The following TAFA2 variants were observed in gnomAD, a reference collection of about 807,000 sequenced individuals.
TAFA2 encodes the protein chemokine-like protein TAFA-2.
Under a neutral mutation model 18.8 loss-of-function variants are expected in TAFA2, and 7 were observed. The ratio of observed to expected loss-of-function variants is 0.37; its 90% CI spans 0.21 to 0.70. The LOEUF (loss-of-function observed/expected upper bound fraction) is 0.70, where lower values mean the gene tolerates loss of function less well. Ranked by LOEUF, TAFA2 falls within the 30% of genes least tolerant of loss-of-function variation. The pLI is 0.53. For missense variants in TAFA2, 122 were observed against 158.1 expected (o/e 0.77, Z 1.23); for synonymous variants, 60 against 54.2 (o/e 1.11, Z -0.47).
At chr12:62,101,903 T>A (rs960589940) in intron 1 of TAFA2, among the ~76,000 whole-genome samples, 12 of 151,866 alleles carry the variant, frequency 7.9e-5, no homozygotes, top group African/African-American at 2.9e-4. Flanking sequence ...AATAGATAAA[T>A]CCTAAAACAC....
chr12:61,923,830 T>G (rs1877162350), intron 1 of TAFA2, among the ~76,000 whole-genome samples: 1 of 151,908 alleles, frequency 6.6e-6, no homozygotes, highest in East Asian at 1.9e-4. Flanking sequence ...GCAAGGAAGC[T>G]AAGAACCTTG....
At chr12:62,119,511 G>A (rs1039571029) in intron 1 of TAFA2, among the ~76,000 whole-genome samples, 1 of 152,096 alleles carries the variant, frequency 6.6e-6, no homozygotes, top group Non-Finnish European at 1.5e-5. Flanking sequence ...TATGGGAAAG[G>A]CAAGCATAAT....
chr12:62,099,959 A>T (rs192788338), intron 1 of TAFA2, among the ~76,000 whole-genome samples: 39 of 152,274 alleles, frequency 2.6e-4, no homozygotes, highest in Non-Finnish European at 3.1e-4. Context: ...CAAATTATAG[A>T]TGTAAATATT....
At chr12:62,067,222 T>C (rs1882513211) in intron 1 of TAFA2, among the ~76,000 whole-genome samples, 1 of 152,106 alleles carries the variant, frequency 6.6e-6, no homozygotes, top group Non-Finnish European at 1.5e-5. Context: ...TAATCCCTTG[T>C]CAGAGGGGTA....
intron 1 of TAFA2, among the ~76,000 whole-genome samples, chr12:61,907,022 G>C (rs547500539): frequency 1.7e-3 from 265 of 152,240 alleles, no homozygotes; most frequent in Non-Finnish European, 3.3e-3. Flanking sequence ...TTTGGAATTG[G>C]CACTTAGGTT....
chr12:61,927,680 CAA>C (rs759451823), intron 1 of TAFA2, among the ~76,000 whole-genome samples: 9 of 152,088 alleles, frequency 5.9e-5, no homozygotes, highest in Non-Finnish European at 1.2e-4. Flanking sequence ...CATATGGAAT[CAA>C]AAAAGAGTCC....
rs180760419 is a variant in TAFA2 at position 62,203,464 on chromosome 12, G to C, written c.-130+55299C>G. On this transcript the variant is annotated intron_variant, in intron 1 of 5. Transcript: ENST00000551619. ...TTAAAGTCTCCCACTATTATTGTGT[G>C]GGCATCTAAGTCTCTATGTAGGTCT... Among the ~76,000 whole-genome samples the C allele has an allele frequency of 1.0e-3, 153 of 152,258 alleles. 1 individual carries two copies. Among genetic ancestry groups the C allele is most frequent in the Non-Finnish European group, 1.8e-3 (121 of 68,020 alleles).
Position 61,990,403 on chromosome 12 carries a change from T to A in TAFA2, c.-1-122977A>T, listed in dbSNP as rs534490501. Reference sequence around the variant, plus strand: ...TGCCCAGGCTGGAGTGCAGTGGCGCTATCTCGGCTCACTGCAAGCTCTGCC... The same window carrying A: ...TGCCCAGGCTGGAGTGCAGTGGCGCAATCTCGGCTCACTGCAAGCTCTGCC... On this transcript the variant is annotated intron_variant, in intron 1 of 4. Transcript: ENST00000416284. Among the ~76,000 whole-genome samples, 7 of 140,654 alleles carry A rather than the reference T, an allele frequency of 5.0e-5. No homozygotes were observed. The East Asian group carries it at 1.6e-3, about 31-fold the overall frequency. 92.3% of individuals were successfully genotyped at this position (140,654 alleles called of 152,430 possible). A position where few individuals can be genotyped will look rare whatever the true frequency, so the allele number is the denominator to read the frequency against.
chr12:62,198,141 C>T (rs747815059), intron 1 of TAFA2: 22 of 152,076 alleles, frequency 1.4e-4, no homozygotes, highest in Non-Finnish European at 2.4e-4. Flanking sequence ...TACCTCAAAT[C>T]CCCACAACAT....
Position 62,191,424 on chromosome 12 carries a change from GGCGTGTGAGTGTGGCCCTGA to G in TAFA2, c.-187_-168del, listed in dbSNP as rs2062623845. 1 of 152,562 alleles carries G rather than the reference GGCGTGTGAGTGTGGCCCTGA, an allele frequency of 6.6e-6. No individual in the cohort carries two copies. Among genetic ancestry groups the G allele is most frequent in the African/African-American group, 2.4e-5 (1 of 41,438 alleles). The allele number at this position is 152,562 out of a possible 1,614,324, so 9.5% of individuals were successfully genotyped here. ...CTGGTGCTGTGTGATCGTGGAGGGC[GGCGTGTGAGTGTGGCCCTGA>G]GCGTGCGAGTGTGCGCGCGCGTGTG... is the stretch of plus-strand genomic sequence containing the variant. On this transcript the variant is annotated 5_prime_UTR_variant, in exon 1 of 5. Transcript: ENST00000416284.
intron 1 of TAFA2, among the ~76,000 whole-genome samples, chr12:61,939,247 G>C (rs971211931): frequency 2.6e-5 from 4 of 152,074 alleles, no homozygotes; most frequent in African/African-American, 9.7e-5. Flanking sequence ...ATTTGTGTGT[G>C]GCTAGATGTT....
chr12:61,880,444 C>T (rs1875074126), intron 1 of TAFA2: 3 of 538,988 alleles, frequency 5.6e-6, no homozygotes, highest in South Asian at 1.4e-5. Flanking sequence ...TGCGTGTATA[C>T]CAGGAGCTGA....
At chr12:62,152,658 G>C (rs2062336940) in intron 1 of TAFA2, among the ~76,000 whole-genome samples, 1 of 152,128 alleles carries the variant, frequency 6.6e-6, no homozygotes, top group Non-Finnish European at 1.5e-5. Context: ...GCTCTGATGG[G>C]GGCAGTGAAT....
At chr12:61,909,926 G>A (rs1181788229) in intron 1 of TAFA2, among the ~76,000 whole-genome samples, 2 of 152,122 alleles carry the variant, frequency 1.3e-5, no homozygotes, top group Admixed American at 6.6e-5. Context: ...TACAGATGGG[G>A]CATACATTTA....
At chr12:62,214,211 T>C (rs999477789) in intron 1 of TAFA2, among the ~76,000 whole-genome samples, 25 of 152,208 alleles carry the variant, frequency 1.6e-4, no homozygotes, top group African/African-American at 6.0e-4. Context: ...TTTGGCTGTA[T>C]GCCCACCCAA....
chr12:61,956,631 T>TTTGTTA (rs1555178885), intron 1 of TAFA2, among the ~76,000 whole-genome samples: 1 of 142,774 alleles, frequency 7.0e-6, no homozygotes, highest in Non-Finnish European at 1.5e-5. Context: ...TTTGTTTTGT[T>TTTGTTA]AAAAAAAAAA....
intron 1 of TAFA2, among the ~76,000 whole-genome samples, chr12:61,966,327 C>A (rs1417825296): frequency 1.3e-5 from 2 of 151,968 alleles, no homozygotes; most frequent in East Asian, 3.9e-4. Flanking sequence ...AGATGGCACC[C>A]TGCTGCTGCA....
intron 1 of TAFA2, among the ~76,000 whole-genome samples, chr12:62,072,231 G>A (rs191666951): frequency 2.0e-4 from 31 of 152,142 alleles, no homozygotes; most frequent in Non-Finnish European, 3.4e-4. Context: ...TTGGAAGGCC[G>A]AGGCGGGCGG....
chr12:61,985,594 A>T (rs1879785106), intron 1 of TAFA2, among the ~76,000 whole-genome samples: 1 of 152,214 alleles, frequency 6.6e-6, no homozygotes, highest in South Asian at 2.1e-4. Context: ...ACATATTAGA[A>T]TGAAAGCACA....
Sources: allele counts gnomAD v4.1 joint callset (sites outside exome capture counted in the v4.1 genomes callset), GRCh38; gene constraint gnomAD v4.1.1; transcripts MANE v1.5; gene names NCBI Gene and HGNC (gene_info 2026-07-23, HGNC 2026-07-21).